The following PCM1 variants were observed in gnomAD, a reference collection of about 807,000 sequenced individuals.
The protein encoded by PCM1 is pericentriolar material 1.
A neutral mutation model predicts 241.9 loss-of-function variants in PCM1; 157 were observed. The ratio of observed to expected loss-of-function variants is 0.65; its 90% CI spans 0.57 to 0.74. PCM1 has a LOEUF of 0.74. PCM1 is among the 30% of genes least tolerant of loss of function. The pLI is 0.00. For synonymous variants in PCM1, 1,085 were observed against 784.9 expected (o/e 1.38, Z -6.39); for missense variants, 3,478 against 2,360.1 (o/e 1.47, Z -9.81).
chr8:17,949,711 G>A (rs2065278843), intron 7 of PCM1, among the ~76,000 whole-genome samples: 1 of 152,000 alleles, frequency 6.6e-6, no homozygotes, highest in African/African-American at 2.4e-5. Flanking sequence ...TGCCCAGGCT[G>A]GTCTTGAACT....
chr8:17,953,565 A>G (rs535528548), intron 9 of PCM1, among the ~76,000 whole-genome samples: 2 of 152,262 alleles, frequency 1.3e-5, no homozygotes, highest in East Asian at 1.9e-4. Flanking sequence ...AAAACCCAAA[A>G]CTGTGAAACA....
intron 29 of PCM1, among the ~76,000 whole-genome samples, chr8:17,996,168 G>A (rs2086658765): frequency 6.6e-6 from 1 of 151,978 alleles, no homozygotes; most frequent in African/African-American, 2.4e-5. Context: ...ACTAGCTGTG[G>A]GTCTGTTGTA....
intron 23 of PCM1, among the ~76,000 whole-genome samples, chr8:17,978,999 C>G (rs2299599): frequency 0.19 from 29,550 of 151,900 alleles, 3,212 homozygotes; most frequent in East Asian, 0.37. Context: ...GCAGTTATGC[C>G]TGTAATCCCA....
chr8:17,986,190 AT>A (rs1392155741), intron 26 of PCM1, 103 bp downstream of exon 26: 2 of 805,354 alleles, frequency 2.5e-6, no homozygotes, highest in Admixed American at 6.5e-5. Flanking sequence ...AATATATTTG[AT>A]TTTCAGCTTT....
intron 2 of PCM1, 58 bp from the exon 3 acceptor site, chr8:17,935,531 T>C: frequency 3.1e-6 from 2 of 654,620 alleles, no homozygotes; most frequent in East Asian, 5.5e-5. Context: ...ATGGAATGAT[T>C]TGAAAATTGA....
At chr8:17,991,852 C>T (rs985450274) in intron 28 of PCM1, among the ~76,000 whole-genome samples, 152 bp downstream of exon 28, 1 of 152,100 alleles carries the variant, frequency 6.6e-6, no homozygotes, top group Non-Finnish European at 1.5e-5. Flanking sequence ...TCCCTCACCC[C>T]CTTCCCACCC....
At position 18,025,367 on chromosome 8, in the gene PCM1, G is replaced by C. The variant is rs755641601; in HGVS notation, c.5848G>C (p.Glu1950Gln). The C allele has an allele frequency of 1.3e-6, 2 of 1,572,906 alleles. No individual in the cohort carries two copies. The highest frequency in any genetic ancestry group is 2.2e-5 in the East Asian group (1 of 44,528). ...SPVLVNDYEA[E>Q]SGNISQKSDE... The stretch of plus-strand genomic sequence containing the variant: ...TTTTTTCATTACATTACAGGAAGCA[G>C]AATCTGGTAATATAAGTCAAAAGTC... Residue 1950 changes from glutamate (E) to glutamine (Q), a missense_variant, in exon 37 of 39, where the codon GAA becomes CAA. By Grantham distance (29) the Glu-to-Gln change is conservative. Transcript: ENST00000325083.
rs552433550 is a variant in PCM1 at position 18,028,547 on chromosome 8, A to G, written c.*885A>G. 14 of 203,976 alleles carry G rather than the reference A, an allele frequency of 6.9e-5. No individual in the cohort carries two copies. Among genetic ancestry groups the G allele is most frequent in the African/African-American group, 3.0e-4 (13 of 43,878 alleles). The allele number at this position is 203,976 out of a possible 1,614,324, so 12.6% of individuals were successfully genotyped here. ...CCTTCAGATAAACTTGCCTATTGAG[A>G]TGGTAATTTAAAGCCAAAGCATAGC... is the stretch of plus-strand genomic sequence containing the variant. On this transcript the variant is annotated 3_prime_UTR_variant, in exon 39 of 39. Coordinates refer to ENST00000325083, the MANE Select transcript of PCM1 (RefSeq NM_006197.4).
intron 15 of PCM1, among the ~76,000 whole-genome samples, chr8:17,961,114 C>T (rs566809075): frequency 6.6e-6 from 1 of 152,086 alleles, no homozygotes; most frequent in African/African-American, 2.4e-5. Context: ...CATAAGATAT[C>T]TAAGGAAAAT....
chr8:17,971,926 T>G (rs1432243518), intron 22 of PCM1, among the ~76,000 whole-genome samples: 2 of 151,984 alleles, frequency 1.3e-5, no homozygotes, highest in Non-Finnish European at 2.9e-5. Flanking sequence ...AAAATTTTTT[T>G]TAGAGACGGG....
intron 29 of PCM1, among the ~76,000 whole-genome samples, chr8:18,003,207 T>C (rs2090187518): frequency 6.6e-6 from 1 of 152,216 alleles, no homozygotes; most frequent in African/African-American, 2.4e-5. Flanking sequence ...CCAAAAATAG[T>C]ACATGCACAT....
chr8:18,012,617 G>A (rs755358395), intron 34 of PCM1, among the ~76,000 whole-genome samples: 12 of 152,074 alleles, frequency 7.9e-5, no homozygotes, highest in Non-Finnish European at 1.5e-4. Context: ...ACTGTGATGT[G>A]CCTTGTTGGG....
intron 4 of PCM1, among the ~76,000 whole-genome samples, chr8:17,937,619 C>G (rs530652600): frequency 1.3e-5 from 2 of 152,104 alleles, no homozygotes; most frequent in Admixed American, 6.5e-5. Flanking sequence ...TGTTATATGA[C>G]TAACTCAAGT....
chr8:18,008,741 C>T (rs2091964162), intron 30 of PCM1, among the ~76,000 whole-genome samples: 1 of 152,140 alleles, frequency 6.6e-6, no homozygotes, highest in Non-Finnish European at 1.5e-5. Flanking sequence ...AGGTACAGGA[C>T]AGTAAAGGAG....
intron 31 of PCM1, 21 bp from the exon 32 acceptor site, chr8:18,010,588 T>C (rs369244639): frequency 2.6e-6 from 4 of 1,565,424 alleles, no homozygotes; most frequent in Non-Finnish European, 3.5e-6. Context: ...CTAAATTCTG[T>C]GTAATTGATT....
At chr8:18,020,727 C>G (rs1045847109) in intron 36 of PCM1, among the ~76,000 whole-genome samples, 1 of 152,184 alleles carries the variant, frequency 6.6e-6, no homozygotes, top group Non-Finnish European at 1.5e-5. Flanking sequence ...TAAGTCAGGA[C>G]AACCCGAAGA....
chr8:17,945,735 A>G (rs1296779031), intron 6 of PCM1, among the ~76,000 whole-genome samples: 1 of 152,152 alleles, frequency 6.6e-6, no homozygotes, highest in Admixed American at 6.5e-5. Context: ...GCCCATCTGC[A>G]TGCTCCATAA....
At chr8:17,990,313 T>C (rs1383946535) in intron 27 of PCM1, among the ~76,000 whole-genome samples, 2 of 152,064 alleles carry the variant, frequency 1.3e-5, no homozygotes, top group Non-Finnish European at 2.9e-5. Flanking sequence ...TTTAAGGTCA[T>C]CTAGTTAATT....
At chr8:17,926,579 C>G (rs1236040808) in intron 2 of PCM1, 1 of 152,162 alleles carries the variant, frequency 6.6e-6, no homozygotes, top group Non-Finnish European at 1.5e-5. Context: ...CACTTTTTGA[C>G]AGCTTGAGAA....
Sources: allele counts gnomAD v4.1 joint callset (sites outside exome capture counted in the v4.1 genomes callset), GRCh38; gene constraint gnomAD v4.1.1; transcripts MANE v1.5; gene names NCBI Gene and HGNC (gene_info 2026-07-23, HGNC 2026-07-21).